SPOCK1: variants seen among roughly 807,000 people sequenced by gnomAD.
SPOCK1 encodes the protein SPARC (osteonectin), cwcv and kazal like domains proteoglycan 1, also known as testican-1.
Under a neutral mutation model 55.3 loss-of-function variants are expected in SPOCK1, and 23 were observed. That is an observed-to-expected ratio of 0.42 (90% CI 0.30 to 0.59). The LOEUF (loss-of-function observed/expected upper bound fraction) is 0.59, where lower values mean the gene tolerates loss of function less well. SPOCK1 is among the 20% of genes least tolerant of loss of function. The probability of loss-of-function intolerance (pLI) is 0.22; values close to 1 mark genes in which losing one functional copy is unlikely to be tolerated. For synonymous variants in SPOCK1, 226 were observed against 221.0 expected (o/e 1.02, Z -0.20); for missense variants, 499 against 552.5 (o/e 0.90, Z 0.97).
chr5:136,997,269 G>C lies in SPOCK1; in HGVS notation c.590-4669C>G, dbSNP rs534528416. Among the ~76,000 whole-genome samples, 4 of 152,214 alleles carry C rather than the reference G, an allele frequency of 2.6e-5. No homozygotes were observed. In the South Asian group the frequency reaches 8.3e-4, roughly 32 times the overall value. On this transcript the variant is annotated intron_variant, in intron 6 of 10. Transcript: ENST00000394945. ...TTCTCAGGGCAAACACTTGGGAATT[G>C]TCCTGGTTCACAGTGAAAAAGTTCA... is the stretch of plus-strand genomic sequence containing the variant.
In SPOCK1 at chr5:136,984,221, T is replaced by A. The variant is rs114694809; in HGVS notation, c.991+919A>T. On this transcript the variant is annotated intron_variant, in intron 9 of 10. Coordinates refer to ENST00000394945, the MANE Select transcript of SPOCK1 (RefSeq NM_004598.4). ...ATGCATTTTGAAATAACTCAAAAAA[T>A]CCTAAGAGAAGAAAATCACCGGAAT... Among the ~76,000 whole-genome samples the A allele has an allele frequency of 2.7e-3, 414 of 152,220 alleles. 3 individuals are homozygous for A. The highest frequency in any genetic ancestry group is 9.5e-3 in the African/African-American group (395 of 41,530).
chr5:137,084,830 T>C (rs1334107628), intron 5 of SPOCK1, among the ~76,000 whole-genome samples: 2 of 151,966 alleles, frequency 1.3e-5, no homozygotes, highest in East Asian at 3.9e-4. Flanking sequence ...TACCTTTCCA[T>C]GCCAACCTCA....
intron 2 of SPOCK1, among the ~76,000 whole-genome samples, chr5:137,301,636 CTT>C (rs34828127): frequency 3.9e-5 from 5 of 129,792 alleles, no homozygotes; most frequent in African/African-American, 3.0e-5. Context: ...ATTTCGTCTC[CTT>C]TTTTTTTTTT....
intron 5 of SPOCK1, among the ~76,000 whole-genome samples, chr5:137,085,693 G>A (rs538504354): frequency 2.6e-5 from 4 of 152,206 alleles, no homozygotes; most frequent in Admixed American, 6.5e-5. Flanking sequence ...CGGTGATGAC[G>A]ATGACAGAAA....
Position 137,447,126 on chromosome 5 carries a change from T to A in SPOCK1, c.186+51247A>T, listed in dbSNP as rs371050873. On this transcript the variant is annotated intron_variant, in intron 2 of 10. Coordinates refer to ENST00000394945, the MANE Select transcript of SPOCK1 (RefSeq NM_004598.4). ...GCTGCTATGAATATGGGTGTACAGA[T>A]ATGGAGATAATTCTTATAAGTAGAT... Among the ~76,000 whole-genome samples the A allele has an allele frequency of 1.2e-4, 18 of 152,368 alleles. 1 individual carries two copies. The highest frequency in any genetic ancestry group is 4.1e-4 in the African/African-American group (17 of 41,584).
intron 2 of SPOCK1, among the ~76,000 whole-genome samples, chr5:137,412,263 G>C (rs975859269): frequency 6.6e-6 from 1 of 152,214 alleles, no homozygotes; most frequent in East Asian, 1.9e-4. Flanking sequence ...CAAGGGGCAG[G>C]TATAGAGCTC....
At chr5:136,996,148 G>T (rs529464259) in intron 6 of SPOCK1, among the ~76,000 whole-genome samples, 1 of 152,358 alleles carries the variant, frequency 6.6e-6, no homozygotes, top group Non-Finnish European at 1.5e-5. Flanking sequence ...CAATAAAGGT[G>T]TGAACAGGGG....
At chr5:137,249,172 C>T (rs58697447) in intron 3 of SPOCK1, among the ~76,000 whole-genome samples, 10,257 of 152,228 alleles carry the variant, frequency 0.067, 1,056 homozygotes, top group African/African-American at 0.23. Flanking sequence ...AGGCAAATAA[C>T]TTGCTTGAGA....
At chr5:136,999,255 T>C (rs1360157640) in intron 6 of SPOCK1, among the ~76,000 whole-genome samples, 1 of 152,102 alleles carries the variant, frequency 6.6e-6, no homozygotes, top group Non-Finnish European at 1.5e-5. Flanking sequence ...GAAGGGGAGC[T>C]CTAAGTTATT....
chr5:137,373,952 A>G (rs1380303071), intron 2 of SPOCK1, among the ~76,000 whole-genome samples: 1 of 151,690 alleles, frequency 6.6e-6, no homozygotes, highest in Admixed American at 6.5e-5. Flanking sequence ...CTGGGGATAC[A>G]ACAGTTAAGA....
chr5:137,442,889 G>A (rs530998453), intron 2 of SPOCK1, among the ~76,000 whole-genome samples: 2 of 152,318 alleles, frequency 1.3e-5, no homozygotes, highest in South Asian at 4.2e-4. Context: ...TTCTTGTCCA[G>A]GTCCCTGTCA....
intron 3 of SPOCK1, among the ~76,000 whole-genome samples, chr5:137,143,302 T>C (rs1196964851): frequency 1.3e-5 from 2 of 152,218 alleles, no homozygotes; most frequent in Non-Finnish European, 2.9e-5. Flanking sequence ...TGGCAGAATT[T>C]GAGCTTATTT....
chr5:137,012,836 A>G (rs1340232462), intron 6 of SPOCK1, among the ~76,000 whole-genome samples: 1 of 152,256 alleles, frequency 6.6e-6, no homozygotes, highest in Admixed American at 6.5e-5. Context: ...TAGAAAAAAT[A>G]ACCTAGAAAT....
chr5:137,313,298 G>A (rs558134231), intron 2 of SPOCK1: 1 of 458,646 alleles, frequency 2.2e-6, no homozygotes, highest in East Asian at 1.6e-4. Flanking sequence ...CTTATTGATA[G>A]GACACTACAA....
intron 4 of SPOCK1, among the ~76,000 whole-genome samples, chr5:137,116,075 C>G (rs1250484177): frequency 6.6e-6 from 1 of 152,108 alleles, no homozygotes; most frequent in South Asian, 2.1e-4. Context: ...CATTGGCCAG[C>G]GAGCCCTAAA....
intron 3 of SPOCK1, among the ~76,000 whole-genome samples, chr5:137,193,971 T>C (rs73304854): frequency 0.068 from 10,321 of 152,116 alleles, 720 homozygotes; most frequent in African/African-American, 0.16. Context: ...GTGGCAATCA[T>C]GTAGGTAACC....
intron 2 of SPOCK1, among the ~76,000 whole-genome samples, chr5:137,356,644 A>G (rs1468862163): frequency 6.6e-6 from 1 of 150,874 alleles, no homozygotes; most frequent in Non-Finnish European, 1.5e-5. Flanking sequence ...TACAAAAAAT[A>G]GCCAAGCATG....
chr5:137,032,043 A>G (rs958718834), intron 6 of SPOCK1, among the ~76,000 whole-genome samples: 1 of 148,156 alleles, frequency 6.7e-6, no homozygotes, highest in Non-Finnish European at 1.5e-5. Context: ...TATATATATA[A>G]TATATAATAA....
intron 5 of SPOCK1, among the ~76,000 whole-genome samples, chr5:137,075,581 C>G (rs537830649): frequency 6.9e-4 from 105 of 152,300 alleles, no homozygotes; most frequent in African/African-American, 2.4e-3. Context: ...TTTAGCACAC[C>G]CTTTTCTAGT....
Sources: gnomAD v4.1 joint callset for allele counts (sites outside exome capture counted in the v4.1 genomes callset) on GRCh38, gnomAD v4.1.1 for gene constraint, MANE v1.5 for transcripts, NCBI Gene and HGNC (gene_info 2026-07-23, HGNC 2026-07-21) for gene names.